ASXL1: variants seen among roughly 807,000 people sequenced by gnomAD.
The protein encoded by ASXL1 is ASXL transcriptional regulator 1.
ASXL1 carries 65 observed loss-of-function variants against 89.1 expected under a neutral mutation model. That is an observed-to-expected ratio of 0.73 (90% CI 0.60 to 0.90). The LOEUF is 0.90. Ranked by LOEUF, ASXL1 falls within the 40% of genes least tolerant of loss-of-function variation. The probability of loss-of-function intolerance (pLI) is 0.00; values close to 1 mark genes in which losing one functional copy is unlikely to be tolerated. For missense variants in ASXL1, 1,786 were observed against 1,942.9 expected (o/e 0.92, Z 1.52); for synonymous variants, 739 against 746.9 (o/e 0.99, Z 0.17).
Position 32,379,820 on chromosome 20 carries a change from C to T in ASXL1, c.252+10697C>T, listed in dbSNP as rs910588336. Among the ~76,000 whole-genome samples the T allele has an allele frequency of 1.2e-4, 13 of 109,708 alleles. No individual in the cohort carries two copies. In the East Asian group the frequency reaches 1.9e-3, roughly 16 times the overall value. 72.0% of individuals were successfully genotyped at this position (109,708 alleles called of 152,430 possible). On this transcript the variant is annotated intron_variant, in intron 4 of 12. Coordinates refer to ENST00000375687, the MANE Select transcript of ASXL1 (RefSeq NM_015338.6). Reference sequence around the variant, plus strand: ...CAGCCTGGGTGACAGAGCAAGACTGCGTCTCAAAAAAAGAAAAAAATAAAA... The same window carrying T: ...CAGCCTGGGTGACAGAGCAAGACTGTGTCTCAAAAAAAGAAAAAAATAAAA...
At chr20:32,428,648 C>CTTT in intron 6 of ASXL1, 1 of 178,514 alleles carries the variant, frequency 5.6e-6, no homozygotes, top group South Asian at 5.9e-5. Context: ...TGATTTTGTT[C>CTTT]ATTCTTTTTT....
intron 4 of ASXL1, among the ~76,000 whole-genome samples, chr20:32,381,545 C>T (rs559661612): frequency 8.3e-4 from 121 of 145,168 alleles, no homozygotes; most frequent in Non-Finnish European, 1.4e-3. Flanking sequence ...GACGGAGTCT[C>T]GCTGTGTCGC....
intron 4 of ASXL1, among the ~76,000 whole-genome samples, chr20:32,399,142 C>G (rs539835120): frequency 1.3e-5 from 2 of 151,670 alleles, no homozygotes; most frequent in East Asian, 3.9e-4. Context: ...ACCCGGGAAG[C>G]GGAGTTTGCA....
At chr20:32,416,397 C>T (rs1036991892) in intron 4 of ASXL1, among the ~76,000 whole-genome samples, 4 of 152,238 alleles carry the variant, frequency 2.6e-5, no homozygotes, top group Non-Finnish European at 4.4e-5. Flanking sequence ...CCCAATCCCT[C>T]TGTCCCCACC....
intron 4 of ASXL1, among the ~76,000 whole-genome samples, chr20:32,420,725 A>G (rs1265287240): frequency 1.3e-5 from 2 of 152,212 alleles, no homozygotes; most frequent in African/African-American, 2.4e-5. Flanking sequence ...TAAAAGGAAT[A>G]CGTACTCATC....
At chr20:32,409,343 C>G (rs1257260844) in intron 4 of ASXL1, among the ~76,000 whole-genome samples, 1 of 152,056 alleles carries the variant, frequency 6.6e-6, no homozygotes, top group African/African-American at 2.4e-5. Context: ...AGTTTTTTGC[C>G]CTAGCAGGTA....
chr20:32,388,220 G>C (rs2048612965), intron 4 of ASXL1, among the ~76,000 whole-genome samples: 1 of 152,086 alleles, frequency 6.6e-6, no homozygotes, highest in African/African-American at 2.4e-5. Flanking sequence ...TGTCACCCCA[G>C]CTGGAATGCG....
intron 4 of ASXL1, among the ~76,000 whole-genome samples, chr20:32,415,095 A>G (rs964314060): frequency 2.6e-5 from 4 of 151,604 alleles, no homozygotes; most frequent in Non-Finnish European, 5.9e-5. Flanking sequence ...TGCAACCTCT[A>G]CCTCCTGGGT....
At position 32,428,652 on chromosome 20, in the gene ASXL1, C is replaced by CTTTTTTTT. The variant is rs35966674; in HGVS notation, c.471+250_471+257dup. On this transcript the variant is annotated intron_variant, in intron 6 of 12. Coordinates refer to ENST00000375687, the MANE Select transcript of ASXL1 (RefSeq NM_015338.6). Reference sequence around the variant, plus strand: ...CCTTGGCTGAGTGATTTTGTTCATTCTTTTTTTTTTTTTTTTTTTTTTTTT... The same window carrying CTTTTTTTT: ...CCTTGGCTGAGTGATTTTGTTCATTCTTTTTTTTTTTTTTTTTTTTTTTTTTTTTTTTT... The CTTTTTTTT allele has an allele frequency of 3.5e-4, 52 of 147,932 alleles. 5 individuals are homozygous for CTTTTTTTT. The highest frequency in any genetic ancestry group is 1.1e-3 in the African/African-American group (18 of 16,718). 9.2% of individuals were successfully genotyped at this position (147,932 alleles called of 1,614,324 possible). A position where few individuals can be genotyped will look rare whatever the true frequency, so the allele number is the denominator to read the frequency against.
Position 32,433,915 on chromosome 20 carries a change from C to T in ASXL1, c.1717C>T (p.Arg573Trp), listed in dbSNP as rs373685182. Residue 573 changes from arginine to tryptophan, a missense_variant and splice_region_variant, in exon 12 of 13, where the codon CGG (arginine) becomes TGG (tryptophan). Arg to Trp is a moderately radical substitution (Grantham distance 101, BLOSUM62 -3). This residue lies in a region of ASXL1 where 1,418 missense variants were observed against 1,427.8 expected (regional missense o/e 0.99). Transcript: ENST00000375687. Reference protein sequence around the residue: ...TKEEPKVPPIRIQLSRIKPPW... With the variant: ...TKEEPKVPPIWIQLSRIKPPW... The stretch of plus-strand genomic sequence containing the variant: ...AGAGGAGCCCAAAGTCCCGCCCATC[C>T]GGGTAGGAGACTGTTTGATTCCTGG... 2.1e-5 allele frequency: 34 copies of T among 1,612,428 alleles called. No individual in the cohort carries two copies. The highest frequency in any genetic ancestry group is 2.6e-5 in the Non-Finnish European group (31 of 1,180,040).
intron 4 of ASXL1, among the ~76,000 whole-genome samples, chr20:32,418,726 A>T (rs555628602): frequency 6.7e-6 from 1 of 148,380 alleles, no homozygotes; most frequent in Admixed American, 6.7e-5. Context: ...GTGCTTTTCC[A>T]TGTAAAATTC....
intron 4 of ASXL1, among the ~76,000 whole-genome samples, chr20:32,377,816 C>A (rs2048411915): frequency 6.6e-6 from 1 of 151,886 alleles, no homozygotes; most frequent in African/African-American, 2.4e-5. Context: ...CCATGCCCGG[C>A]AAATTTTTGT....
chr20:32,371,630 G>T, intron 4 of ASXL1: 1 of 178,000 alleles, frequency 5.6e-6, no homozygotes, highest in Non-Finnish European at 1.2e-5. Flanking sequence ...TTAGAAACAG[G>T]GTCTCACACT....
chr20:32,392,114 GTTAT>G (rs1467926194), intron 4 of ASXL1, among the ~76,000 whole-genome samples: 1 of 151,666 alleles, frequency 6.6e-6, no homozygotes, highest in Non-Finnish European at 1.5e-5. Context: ...CTAGCTATTT[GTTAT>G]TTATTTATTT....
intron 4 of ASXL1, among the ~76,000 whole-genome samples, chr20:32,375,318 G>A (rs1048825658): frequency 3.3e-5 from 5 of 151,958 alleles, no homozygotes; most frequent in East Asian, 1.9e-4. Context: ...GTGTGGTGGC[G>A]TGCACCTGTA....
chr20:32,380,912 T>C (rs980376829), intron 4 of ASXL1, among the ~76,000 whole-genome samples: 1 of 152,220 alleles, frequency 6.6e-6, no homozygotes, highest in African/African-American at 2.4e-5. Context: ...GTGGTCCTTT[T>C]GAAAAATGCA....
In ASXL1 at chr20:32,437,179, C is replaced by T. The variant is rs376639633; in HGVS notation, c.4467C>T (p.Ser1489=). ...GTGCGAGCCACAGTGCATCACTTTC[C>T]TTGCAAATGTTCACTGACAGCAGCA... ...NFGASHSASL[S]LQMFTDSSTV... The change falls in exon 13 of 13, where the codon TCC becomes TCT. Residue 1489 remains serine (S), a synonymous_variant. Coordinates refer to ENST00000375687, the MANE Select transcript of ASXL1 (RefSeq NM_015338.6). The T allele has an allele frequency of 3.1e-6, 5 of 1,613,806 alleles. No homozygotes were observed. Among genetic ancestry groups the T allele is most frequent in the Non-Finnish European group, 4.2e-6 (5 of 1,179,668 alleles).
chr20:32,427,730 C>T, intron 4 of ASXL1: 1 of 275,120 alleles, frequency 3.6e-6, no homozygotes, highest in South Asian at 3.9e-5. Context: ...AAGTTAGGTG[C>T]CCCTCTTCTG....
intron 8 of ASXL1, chr20:32,430,996 G>C (rs547213810): frequency 1.9e-6 from 1 of 534,392 alleles, no homozygotes; most frequent in African/African-American, 1.9e-5. Flanking sequence ...GTTGAGCTTT[G>C]TGGAGCCTGT....
Sources: allele counts gnomAD v4.1 joint callset (sites outside exome capture counted in the v4.1 genomes callset), GRCh38; gene constraint gnomAD v4.1.1; regional missense constraint gnomAD v4.1.1; transcripts MANE v1.5; gene names NCBI Gene and HGNC (gene_info 2026-07-23, HGNC 2026-07-21).